LRRC49: variants seen among roughly 807,000 people sequenced by gnomAD.
LRRC49 encodes leucine-rich repeat-containing protein 49.
A neutral mutation model predicts 83.3 loss-of-function variants in LRRC49; 50 were observed. That is an observed-to-expected ratio of 0.60 (90% CI 0.48 to 0.76). The LOEUF (loss-of-function observed/expected upper bound fraction) is 0.76, where lower values mean the gene tolerates loss of function less well. LRRC49 is among the 30% of genes least tolerant of loss of function. LRRC49 has a pLI of 0.00. For synonymous variants in LRRC49, 286 were observed against 283.3 expected (o/e 1.01, Z -0.10); for missense variants, 704 against 809.1 (o/e 0.87, Z 1.58).
Position 71,009,870 on chromosome 15 carries a change from C to T in LRRC49, c.1471C>T (p.Arg491Cys), listed in dbSNP as rs570407752. The T allele has an allele frequency of 8.1e-6, 13 of 1,612,402 alleles. No homozygotes were observed. Among genetic ancestry groups the T allele is most frequent in the South Asian group, 6.6e-5 (6 of 90,964 alleles). Residue 491 changes from arginine to cysteine, a missense_variant, in exon 13 of 16, where the codon CGT (arginine) becomes TGT (cysteine). Around this residue, in one of 3 missense-constraint regions of LRRC49, gnomAD observed 275 missense variants for 338.0 expected, o/e 0.81. Coordinates refer to ENST00000260382, the MANE Select transcript of LRRC49 (RefSeq NM_017691.5). ...LQQFNALAQL[R>C]RIDQLTIDPQ... ...GCAATTTAACGCACTAGCCCAACTC[C>T]GTCGTATTGACCAGTTGACAATTGA...
At chr15:70,910,666 C>G (rs1459969592) in intron 5 of LRRC49, among the ~76,000 whole-genome samples, 3 of 152,096 alleles carry the variant, frequency 2.0e-5, no homozygotes, top group Non-Finnish European at 4.4e-5. Flanking sequence ...TGCAGTTTGT[C>G]TCTGTCATAA....
intron 1 of LRRC49, chr15:70,860,287 C>T: frequency 1.8e-6 from 1 of 548,832 alleles, no homozygotes; most frequent in Non-Finnish European, 3.2e-6. Flanking sequence ...AGCCCTCAGC[C>T]CACCCGCGGG....
chr15:70,991,399 G>T (rs1312167329), intron 11 of LRRC49, among the ~76,000 whole-genome samples: 1 of 152,160 alleles, frequency 6.6e-6, no homozygotes, highest in African/African-American at 2.4e-5. Context: ...CAAATCTGCA[G>T]ATACTCAATT....
intron 9 of LRRC49, among the ~76,000 whole-genome samples, chr15:70,978,156 C>A (rs988874680): frequency 5.3e-5 from 8 of 152,032 alleles, no homozygotes; most frequent in African/African-American, 1.9e-4. Flanking sequence ...CATATATATA[C>A]TGGTCAGCAT....
At chr15:71,044,116 G>C (rs1293731265) in intron 15 of LRRC49, among the ~76,000 whole-genome samples, 3 of 152,148 alleles carry the variant, frequency 2.0e-5, no homozygotes, top group Non-Finnish European at 4.4e-5. Flanking sequence ...GATTTACTGA[G>C]TGCGAAAAGG....
At chr15:70,920,504 C>T (rs1250804059) in intron 7 of LRRC49, among the ~76,000 whole-genome samples, 2 of 152,188 alleles carry the variant, frequency 1.3e-5, no homozygotes, top group East Asian at 3.9e-4. Flanking sequence ...ACTGCTCAGT[C>T]AGGACTTAGT....
intron 6 of LRRC49, among the ~76,000 whole-genome samples, chr15:70,913,527 A>C (rs1356351897): frequency 6.6e-6 from 1 of 152,164 alleles, no homozygotes; most frequent in Admixed American, 6.5e-5. Flanking sequence ...TGACAGTAAA[A>C]GAATATCATA....
intron 7 of LRRC49, among the ~76,000 whole-genome samples, chr15:70,926,750 T>C (rs1029199052): frequency 6.6e-6 from 1 of 151,780 alleles, no homozygotes; most frequent in Non-Finnish European, 1.5e-5. Flanking sequence ...TTCCCACCTA[T>C]GAGTGAGAAC....
intron 14 of LRRC49, among the ~76,000 whole-genome samples, chr15:71,026,923 C>T (rs1441203080): frequency 6.6e-6 from 1 of 152,142 alleles, no homozygotes; most frequent in Non-Finnish European, 1.5e-5. Context: ...GTTTCTTTTG[C>T]TGTGCAGAAG....
chr15:70,863,250 A>G (rs1048105047), intron 1 of LRRC49, among the ~76,000 whole-genome samples: 7 of 152,220 alleles, frequency 4.6e-5, no homozygotes, highest in Admixed American at 4.6e-4. Context: ...CATATCTCTG[A>G]AGATACAGCC....
intron 14 of LRRC49, among the ~76,000 whole-genome samples, chr15:71,021,749 T>G (rs1241463312): frequency 2.0e-5 from 3 of 152,310 alleles, no homozygotes; most frequent in African/African-American, 7.2e-5. Context: ...AGGCCTTAGC[T>G]GGGACAACCT....
intron 7 of LRRC49, among the ~76,000 whole-genome samples, chr15:70,936,129 G>T (rs1349862810): frequency 6.6e-6 from 1 of 151,924 alleles, no homozygotes; most frequent in Non-Finnish European, 1.5e-5. Context: ...TTTTTGGGGT[G>T]GTGTGCATAA....
intron 8 of LRRC49, among the ~76,000 whole-genome samples, chr15:70,938,149 A>G (rs893852365): frequency 2.0e-5 from 3 of 152,074 alleles, no homozygotes; most frequent in African/African-American, 7.2e-5. Flanking sequence ...ATTTGGTTAT[A>G]TAGGGGTTAT....
intron 8 of LRRC49, among the ~76,000 whole-genome samples, chr15:70,949,921 G>C (rs1469324855): frequency 6.6e-6 from 1 of 152,134 alleles, no homozygotes; most frequent in Non-Finnish European, 1.5e-5. Context: ...AAGGTAGTGA[G>C]CACAGTACCA....
intron 10 of LRRC49, 91 bp from the exon 11 acceptor site, chr15:70,984,003 A>C: frequency 1.1e-6 from 1 of 898,826 alleles, no homozygotes; most frequent in Admixed American, 2.3e-5. Context: ...TAAAAGTATT[A>C]TAAGAAGGCA....
At position 70,872,981 on chromosome 15, in the gene LRRC49, G is replaced by C; in HGVS notation, c.-225G>C. On this transcript the variant is annotated 5_prime_UTR_variant, in exon 2 of 17. Transcript: ENST00000544974. ...GCTCACTGCAACCTCCACCTCCCAG[G>C]TTCAAGCAATTCTCTGCCTCAGCAT... The C allele has an allele frequency of 3.7e-6, 2 of 538,272 alleles. 1 individual carries two copies. The highest frequency in any genetic ancestry group is 1.0e-3 in the Middle Eastern group (2 of 1,958). 33.3% of individuals were successfully genotyped at this position (538,272 alleles called of 1,614,324 possible).
At chr15:70,899,770 G>T (rs1435625775) in intron 3 of LRRC49, among the ~76,000 whole-genome samples, 1 of 152,018 alleles carries the variant, frequency 6.6e-6, no homozygotes, top group Non-Finnish European at 1.5e-5. Context: ...TTCCAGATTT[G>T]GTTTTCATCT....
At chr15:70,920,264 C>T (rs1442563474) in intron 7 of LRRC49, among the ~76,000 whole-genome samples, 1 of 152,072 alleles carries the variant, frequency 6.6e-6, no homozygotes, top group Non-Finnish European at 1.5e-5. Context: ...TAGGTCTCAT[C>T]GTACAGATTG....
At chr15:70,945,388 A>G (rs796599400) in intron 8 of LRRC49, among the ~76,000 whole-genome samples, 11 of 152,244 alleles carry the variant, frequency 7.2e-5, no homozygotes, top group African/African-American at 2.6e-4. Context: ...CATGGCAAAA[A>G]CTGCAAGCTC....
Sources: gnomAD v4.1 joint callset for allele counts (sites outside exome capture counted in the v4.1 genomes callset) on GRCh38, gnomAD v4.1.1 for gene constraint, gnomAD v4.1.1 regional missense constraint, MANE v1.5 for transcripts, NCBI Gene and HGNC (gene_info 2026-07-23, HGNC 2026-07-21) for gene names.